WWOX: variants seen among roughly 807,000 people sequenced by gnomAD.
WWOX encodes WW domain containing oxidoreductase.
In WWOX, 69 loss-of-function variants were observed where a neutral mutation model predicts 46.2. The ratio of observed to expected loss-of-function variants is 1.49; its 90% CI spans 1.23 to 1.82. The LOEUF is 1.82. WWOX is among the 40% of genes most tolerant of loss of function. WWOX has a pLI of 0.00. For synonymous variants in WWOX, 359 were observed against 202.6 expected, an observed-to-expected ratio of 1.77 and a Z score of -6.56; for missense variants, 919 against 542.6, an observed-to-expected ratio of 1.69 and a Z score of -6.89.
chr16:78,848,094 AG>A (rs377341035), intron 8 of WWOX, among the ~76,000 whole-genome samples: 213 of 152,312 alleles, frequency 1.4e-3, no homozygotes, highest in African/African-American at 4.9e-3. Context: ...GACACACCAG[AG>A]AAAGAGCACA....
intron 8 of WWOX, among the ~76,000 whole-genome samples, chr16:78,546,892 T>G (rs181332432): frequency 1.1e-3 from 169 of 152,212 alleles, no homozygotes; most frequent in African/African-American, 3.9e-3. Flanking sequence ...TTTGGGAGGC[T>G]GAGGCGGGTG....
intron 8 of WWOX, among the ~76,000 whole-genome samples, chr16:79,144,224 CA>C (rs2050143539): frequency 6.6e-6 from 1 of 152,200 alleles, no homozygotes; most frequent in South Asian, 2.1e-4. Flanking sequence ...CACTTCAGCA[CA>C]CCAGGATTTT....
intron 4 of WWOX, among the ~76,000 whole-genome samples, chr16:78,116,733 T>C (rs770885538): frequency 6.6e-6 from 1 of 152,138 alleles, no homozygotes; most frequent in Non-Finnish European, 1.5e-5. Flanking sequence ...GTGGAATAAT[T>C]AAGAAAAAAG....
rs115133253 is a variant in WWOX at position 79,071,016 on chromosome 16, C to G, written c.1057-140592C>G. Among the ~76,000 whole-genome samples, 396 of 152,254 alleles carry G rather than the reference C, an allele frequency of 2.6e-3. 1 individual carries two copies. Among genetic ancestry groups the G allele is most frequent in the African/African-American group, 8.9e-3 (368 of 41,556 alleles). ...ACTCAGAATGTAGGGAGTGTACTCT[C>G]GAGGGATGCAGCCCATACGTGAATG... On this transcript the variant is annotated intron_variant, in intron 8 of 8. Transcript: ENST00000566780.
chr16:78,286,540 G>C (rs375133556), intron 5 of WWOX, among the ~76,000 whole-genome samples: 2 of 152,002 alleles, frequency 1.3e-5, no homozygotes, highest in Non-Finnish European at 2.9e-5. Context: ...TGATGTCTTC[G>C]TTTGTAATTA....
chr16:78,724,555 A>T (rs2048778910), intron 8 of WWOX, among the ~76,000 whole-genome samples: 1 of 152,106 alleles, frequency 6.6e-6, no homozygotes, highest in Non-Finnish European at 1.5e-5. Flanking sequence ...TACAGTCCTT[A>T]TGTTATTTAG....
At chr16:78,957,673 G>A (rs1358548122) in intron 8 of WWOX, among the ~76,000 whole-genome samples, 1 of 152,130 alleles carries the variant, frequency 6.6e-6, no homozygotes, top group African/African-American at 2.4e-5. Flanking sequence ...CTTAAGTCAA[G>A]GGATTTTCAA....
At chr16:78,405,768 C>T (rs2082514059) in intron 6 of WWOX, among the ~76,000 whole-genome samples, 2 of 152,256 alleles carry the variant, frequency 1.3e-5, no homozygotes, top group South Asian at 4.2e-4. Context: ...ATTCTTGTGG[C>T]TGTCAAACAA....
At chr16:79,043,157 A>T (rs1044637491) in intron 8 of WWOX, among the ~76,000 whole-genome samples, 3 of 152,072 alleles carry the variant, frequency 2.0e-5, no homozygotes, top group Non-Finnish European at 4.4e-5. Flanking sequence ...AGCTGAAGAG[A>T]AGAGAGATGT....
chr16:79,127,083 A>G (rs2049774305), intron 8 of WWOX, among the ~76,000 whole-genome samples: 1 of 151,974 alleles, frequency 6.6e-6, no homozygotes, highest in Non-Finnish European at 1.5e-5. Context: ...TTTATTTTTG[A>G]ATAGGTAATA....
intron 8 of WWOX, among the ~76,000 whole-genome samples, chr16:78,942,826 A>G (rs1186826913): frequency 3.3e-5 from 5 of 152,210 alleles, no homozygotes; most frequent in South Asian, 4.1e-4. Context: ...CCCGGAAGGG[A>G]TGAATTCCAA....
chr16:78,852,461 C>T (rs2052469626), intron 8 of WWOX, among the ~76,000 whole-genome samples: 1 of 152,104 alleles, frequency 6.6e-6, no homozygotes, highest in Admixed American at 6.5e-5. Context: ...ATCAGGCTTC[C>T]AACAGTCAGA....
At chr16:78,281,768 T>C (rs958880022) in intron 5 of WWOX, among the ~76,000 whole-genome samples, 1 of 152,176 alleles carries the variant, frequency 6.6e-6, no homozygotes, top group Non-Finnish European at 1.5e-5. Context: ...ATTTTTAGCC[T>C]GTGTGCTGTA....
chr16:78,531,259 C>T (rs1047637521), intron 8 of WWOX, among the ~76,000 whole-genome samples: 3 of 152,088 alleles, frequency 2.0e-5, no homozygotes, highest in Admixed American at 6.6e-5. Context: ...ACAGTGAGAG[C>T]GAGGAAGGGT....
At chr16:79,028,868 G>T (rs1160539881) in intron 8 of WWOX, among the ~76,000 whole-genome samples, 1 of 150,146 alleles carries the variant, frequency 6.7e-6, no homozygotes, top group Admixed American at 6.7e-5. Context: ...AAACTGGGAA[G>T]AGATCACTTC....
chr16:78,407,523 T>C (rs922829173), intron 6 of WWOX, among the ~76,000 whole-genome samples: 1 of 152,222 alleles, frequency 6.6e-6, no homozygotes, highest in Non-Finnish European at 1.5e-5. Context: ...AAATCTTCTG[T>C]GTAACTCAAC....
At chr16:78,360,822 T>C (rs911600073) in intron 5 of WWOX, among the ~76,000 whole-genome samples, 9 of 63,308 alleles carry the variant, frequency 1.4e-4, no homozygotes, top group African/African-American at 5.5e-4. Context: ...TTGGTGCCTT[T>C]AGTGCTTTTT....
At chr16:79,134,119 G>C (rs570314615) in intron 8 of WWOX, among the ~76,000 whole-genome samples, 7 of 152,014 alleles carry the variant, frequency 4.6e-5, no homozygotes, top group African/African-American at 7.2e-5. Flanking sequence ...GCTGATCTGG[G>C]TGAGGTCACA....
At chr16:79,172,942 G>A (rs2050729744) in intron 8 of WWOX, among the ~76,000 whole-genome samples, 1 of 152,050 alleles carries the variant, frequency 6.6e-6, no homozygotes, top group African/African-American at 2.4e-5. Flanking sequence ...GATTGCTTGA[G>A]CCTGGGACGT....
Sources: allele counts gnomAD v4.1 joint callset (sites outside exome capture counted in the v4.1 genomes callset), GRCh38; gene constraint gnomAD v4.1.1; transcripts MANE v1.5; gene names NCBI Gene and HGNC (gene_info 2026-07-23, HGNC 2026-07-21).